Variants in MFSD11 observed in about 807,000 individuals in gnomAD.
The protein encoded by MFSD11 is UNC93-like protein MFSD11.
A neutral mutation model predicts 53.5 loss-of-function variants in MFSD11; 36 were observed. The ratio of observed to expected loss-of-function variants is 0.67; its 90% CI spans 0.52 to 0.89. The LOEUF is 0.89. MFSD11 is among the 40% of genes least tolerant of loss of function. The pLI is 0.00. For synonymous variants in MFSD11, 186 were observed against 184.9 expected (o/e 1.01, Z -0.05); for missense variants, 530 against 543.9 (o/e 0.97, Z 0.25).
At chr17:76,738,099 T>A, upstream of MFSD11, 1 of 500,314 alleles carries the variant, frequency 2.0e-6, no homozygotes, top group Non-Finnish European at 3.5e-6. Context: ...GGATAAATTC[T>A]TGGCGCTTCT....
chr17:76,741,904 A>C (rs760367798), intron 3 of MFSD11, 65 bp from the exon 4 acceptor site: 27 of 1,610,826 alleles, frequency 1.7e-5, no homozygotes, highest in Non-Finnish European at 2.3e-5. Context: ...GATTCCTAGA[A>C]GGCATAATTG....
chr17:76,737,333 G>A (rs1007106744), upstream of MFSD11: 26 of 862,400 alleles, frequency 3.0e-5, no homozygotes, highest in African/African-American at 1.2e-4. Context: ...GTAACAACTG[G>A]GCGGGCAGCC....
At chr17:76,736,877 G>GGGC (rs1568026687), upstream of MFSD11, 4 of 1,611,080 alleles carry the variant, frequency 2.5e-6, no homozygotes, top group Non-Finnish European at 1.7e-6. Context: ...TGAGTCCGGG[G>GGGC]GGCGGCCGTA....
rs1165515208 is a variant in MFSD11 at position 76,738,380 on chromosome 17, A to G, written c.28A>G (p.Asn10Asp). ...GTCCCCGGAATCTAAAAAGCTTTTC[A>G]ACATCATTATTTTAGGAGTTGCCTT... MSPESKKLF[N>D]IIILGVAFMF... Residue 10 changes from asparagine (N) to aspartate (D), a missense_variant, in exon 1 of 13, where the codon AAC (asparagine) becomes GAC (aspartate). By Grantham distance (23) the Asn-to-Asp change is conservative (BLOSUM62 1). Coordinates refer to ENST00000685175, the MANE Select transcript of MFSD11 (RefSeq NM_001242532.5). 1 of 1,614,128 alleles carries G rather than the reference A, an allele frequency of 6.2e-7. No homozygotes were observed. Among genetic ancestry groups the G allele is most frequent in the Non-Finnish European group, 8.5e-7 (1 of 1,179,994 alleles).
At chr17:76,781,626 G>A (rs1419134289), downstream of MFSD11, among the ~76,000 whole-genome samples, 4 of 152,120 alleles carry the variant, frequency 2.6e-5, no homozygotes, top group Non-Finnish European at 4.4e-5. Context: ...AGAAGGAGGT[G>A]AAGCCACCTC....
chr17:76,797,101 G>A, the MFSD11 span, among the ~76,000 whole-genome samples: 1 of 152,114 alleles, frequency 6.6e-6, no homozygotes, highest in African/African-American at 2.4e-5. Context: ...CCCAGGAGGT[G>A]GAAGTTGCAG....
At chr17:76,798,152 T>A in the MFSD11 span, among the ~76,000 whole-genome samples, 1 of 152,034 alleles carries the variant, frequency 6.6e-6, no homozygotes, top group Non-Finnish European at 1.5e-5. Context: ...CCTCCCAAAG[T>A]GCTGGGATTA....
chr17:76,793,416 C>T, the MFSD11 span, among the ~76,000 whole-genome samples: 1 of 151,488 alleles, frequency 6.6e-6, no homozygotes, highest in African/African-American at 2.5e-5. Context: ...CTCTGTTCCG[C>T]CCGGCTCACC....
chr17:76,785,176 G>A (rs1041189077), downstream of MFSD11, among the ~76,000 whole-genome samples: 5 of 152,326 alleles, frequency 3.3e-5, no homozygotes, highest in Non-Finnish European at 4.4e-5. Context: ...AGATGGACCT[G>A]GAGGACATTA....
the MFSD11 span, among the ~76,000 whole-genome samples, chr17:76,797,041 C>T: frequency 6.6e-6 from 1 of 151,972 alleles, no homozygotes; most frequent in African/African-American, 2.4e-5. Context: ...TGGTGGCAGG[C>T]GCCTGTAGTC....
chr17:76,763,115 C>T (rs965529214), intron 8 of MFSD11, among the ~76,000 whole-genome samples: 2 of 152,106 alleles, frequency 1.3e-5, no homozygotes, highest in African/African-American at 4.8e-5. Flanking sequence ...TGATGCACAC[C>T]TAGGAATGGT....
At chr17:76,760,289 AAAAG>A (rs1450608601) in intron 8 of MFSD11, among the ~76,000 whole-genome samples, 2 of 152,028 alleles carry the variant, frequency 1.3e-5, no homozygotes, top group Middle Eastern at 3.4e-3. Flanking sequence ...AAAAAAAAAA[AAAAG>A]AAAATTGTAA....
intron 10 of MFSD11, among the ~76,000 whole-genome samples, chr17:76,773,671 A>C (rs1047814985): frequency 6.6e-6 from 1 of 151,980 alleles, no homozygotes; most frequent in Non-Finnish European, 1.5e-5. Flanking sequence ...GCAGTGGCGC[A>C]ATCTTGGCTC....
chr17:76,738,428 CA>C lies in MFSD11; in HGVS notation c.79del (p.Thr27LeufsTer13). 6.2e-7 allele frequency: 1 copy of C among 1,613,756 alleles called. No individual in the cohort carries two copies. The highest frequency in any genetic ancestry group is 1.1e-5 in the South Asian group (1 of 91,072). ...VAFMFMFTAF[Q>X]TCGNVAQTVI... The stretch of plus-strand genomic sequence containing the variant: ...CTTTATGTTTATGTTCACTGCCTTT[CA>C]AACTTGTGGAAATGTGGCGGTGAGT... On this transcript the variant is annotated frameshift_variant, in exon 1 of 13. Coordinates refer to ENST00000685175, the MANE Select transcript of MFSD11 (RefSeq NM_001242532.5). LOFTEE classifies it high-confidence loss of function.
At chr17:76,736,731 T>G (rs2077515739), upstream of MFSD11, 7 of 1,382,400 alleles carry the variant, frequency 5.1e-6, no homozygotes, top group East Asian at 2.0e-4. Flanking sequence ...GCCGCGGACC[T>G]TTGTGAGGTC....
In MFSD11 at chr17:76,774,992, T is replaced by C. The variant is rs1225200855; in HGVS notation, c.875-5T>C. The C allele has an allele frequency of 1.2e-6, 2 of 1,612,484 alleles. No homozygotes were observed. Among genetic ancestry groups the C allele is most frequent in the African/African-American group, 2.7e-5 (2 of 74,928 alleles). On this transcript the variant is annotated splice_region_variant and splice_polypyrimidine_tract_variant and intron_variant, in intron 10 of 12. Transcript: ENST00000685175. ...TAGTGACGTTTCTGCCATCTTGACT[T>C]ATAGGTGGAAGCCTCTTCGGCCTGC...
At position 76,738,374 on chromosome 17, in the gene MFSD11, CTT is replaced by C. The variant is rs1568034248; in HGVS notation, c.25_26del (p.Phe9GlnfsTer32). ...CAAAATGTCCCCGGAATCTAAAAAG[CTT>C]TTCAACATCATTATTTTAGGAGTTG... is the stretch of plus-strand genomic sequence containing the variant. MSPESKK[L>X]FNIIILGVAF... is the part of the protein sequence containing the mutation. On this transcript the variant is annotated frameshift_variant, in exon 1 of 13. Coordinates refer to ENST00000685175, the MANE Select transcript of MFSD11 (RefSeq NM_001242532.5). LOFTEE classifies it high-confidence loss of function. The C allele has an allele frequency of 1.2e-6, 2 of 1,614,020 alleles. No homozygotes were observed. The highest frequency in any genetic ancestry group is 1.7e-6 in the Non-Finnish European group (2 of 1,179,930).
rs77571409 is a variant in MFSD11, at chr17:76,741,119, A to G, written c.260+55A>G. The G allele has an allele frequency of 1.7e-3, 1,844 of 1,071,748 alleles. 11 individuals are homozygous for G. The highest frequency in any genetic ancestry group is 0.016 in the South Asian group (1,255 of 78,916). The allele number at this position is 1,071,748 out of a possible 1,614,324, so 66.4% of individuals were successfully genotyped here. ...TCAGAACACTTGTCAGGATCTTTCAAGTAGATAGTAAACTTCACAATAATT... is the reference window on the plus strand; with the variant it reads ...TCAGAACACTTGTCAGGATCTTTCAGGTAGATAGTAAACTTCACAATAATT... On this transcript the variant is annotated intron_variant, in intron 3 of 12. Transcript: ENST00000685175.
At position 76,776,980 on chromosome 17, in the gene MFSD11, G is replaced by T. The variant is rs936351976; in HGVS notation, c.1185+439G>T. On this transcript the variant is annotated intron_variant, in intron 12 of 12. Coordinates refer to ENST00000685175, the MANE Select transcript of MFSD11 (RefSeq NM_001242532.5). The surrounding 1 kb of genome is among the most constrained non-coding windows in gnomAD (Gnocchi z 4.2). Reference sequence around the variant, plus strand: ...TTTTTTTATTTTATTTTTTTTTAAAGACAAAGTCGGCCCGCCGCGGCTCAC... The same window carrying T: ...TTTTTTTATTTTATTTTTTTTTAAATACAAAGTCGGCCCGCCGCGGCTCAC... Among the ~76,000 whole-genome samples, 34 of 150,166 alleles carry T rather than the reference G, an allele frequency of 2.3e-4. No homozygotes were observed. The highest frequency in any genetic ancestry group is 1.9e-3 in the Admixed American group (28 of 15,054).
Sources: gnomAD v4.1 joint callset for allele counts (sites outside exome capture counted in the v4.1 genomes callset) on GRCh38, gnomAD v4.1.1 for gene constraint, Gnocchi (gnomAD v3.1) non-coding constraint, MANE v1.5 for transcripts, NCBI Gene and HGNC (gene_info 2026-07-23, HGNC 2026-07-21) for gene names.